Variants in EYA1 observed in about 807,000 individuals in gnomAD.
EYA1 encodes the protein EYA transcriptional coactivator and phosphatase 1.
In EYA1, 16 loss-of-function variants were observed where a neutral mutation model predicts 82.0. The ratio of observed to expected loss-of-function variants is 0.20; its 90% CI spans 0.13 to 0.30. The LOEUF (loss-of-function observed/expected upper bound fraction) is 0.30, where lower values mean the gene tolerates loss of function less well. Ranked by LOEUF, EYA1 falls within the 10% of genes least tolerant of loss-of-function variation. The probability of loss-of-function intolerance (pLI) is 1.00; values close to 1 mark genes in which losing one functional copy is unlikely to be tolerated. For missense variants in EYA1, 633 were observed against 730.7 expected (o/e 0.87, Z 1.54); for synonymous variants, 261 against 264.4 (o/e 0.99, Z 0.12).
chr8:71,210,295 A>G (rs915484180), intron 17 of EYA1, among the ~76,000 whole-genome samples: 4 of 152,242 alleles, frequency 2.6e-5, no homozygotes, highest in African/African-American at 7.2e-5. Context: ...AAATTTTGCA[A>G]ATGAATAAGA....
intron 9 of EYA1, among the ~76,000 whole-genome samples, chr8:71,272,274 T>A (rs9657097): frequency 6.6e-6 from 1 of 151,796 alleles, no homozygotes; most frequent in African/African-American, 2.4e-5. Flanking sequence ...GCCTCAGCTG[T>A]GGCTCTCTCA....
At chr8:71,391,980 G>C (rs1829304048) in intron 2 of EYA1, among the ~76,000 whole-genome samples, 2 of 152,214 alleles carry the variant, frequency 1.3e-5, no homozygotes, top group South Asian at 2.1e-4. Context: ...CTGAAAAATA[G>C]AGTTTCTCTC....
At chr8:71,265,010 C>T (rs1213650673) in intron 11 of EYA1, among the ~76,000 whole-genome samples, 2 of 152,144 alleles carry the variant, frequency 1.3e-5, no homozygotes, top group Non-Finnish European at 2.9e-5. Context: ...AAAGTCAGAG[C>T]TTGGATTTGA....
intron 9 of EYA1, among the ~76,000 whole-genome samples, chr8:71,282,933 AC>A: frequency 8.1e-6 from 1 of 123,826 alleles, no homozygotes; most frequent in African/African-American, 2.9e-5. Flanking sequence ...CTTCAACACC[AC>A]CTTGTTTTTT....
intron 9 of EYA1, among the ~76,000 whole-genome samples, chr8:71,283,126 C>T (rs1818004085): frequency 7.1e-6 from 1 of 141,176 alleles, no homozygotes; most frequent in African/African-American, 2.5e-5. Context: ...TGCCTTTACC[C>T]TCCCACTTTC....
At chr8:71,384,463 G>A (rs78156882) in intron 2 of EYA1, among the ~76,000 whole-genome samples, 4,445 of 152,144 alleles carry the variant, frequency 0.029, 202 homozygotes, top group African/African-American at 0.1. Flanking sequence ...GGCCCTCCCC[G>A]AGAAGCCCTT....
intron 2 of EYA1, among the ~76,000 whole-genome samples, chr8:71,390,179 A>G (rs1483757671): frequency 6.6e-6 from 1 of 152,008 alleles, no homozygotes; most frequent in African/African-American, 2.4e-5. Context: ...TTCTTTTAAT[A>G]TACTACTGGG....
At position 71,308,365 on chromosome 8, in the gene EYA1, A is replaced by G. The variant is rs73290088; in HGVS notation, c.557-8645T>C. Among the ~76,000 whole-genome samples, 94 of 152,312 alleles carry G rather than the reference A, an allele frequency of 6.2e-4. 1 individual carries two copies. Among genetic ancestry groups the G allele is most frequent in the African/African-American group, 2.2e-3 (90 of 41,564 alleles). On this transcript the variant is annotated intron_variant, in intron 7 of 17. Coordinates refer to ENST00000340726, the MANE Select transcript of EYA1 (RefSeq NM_000503.6). ...TAGTAAATTTAAAAGTAAATTACAT[A>G]AAGTGTCCCAGGGACAGTGCATCAC...
intron 2 of EYA1, among the ~76,000 whole-genome samples, chr8:71,417,488 A>G (rs555420840): frequency 1.3e-5 from 2 of 152,312 alleles, no homozygotes; most frequent in African/African-American, 4.8e-5. Flanking sequence ...TGAGCATTCC[A>G]TTATATCGAT....
chr8:71,505,316 C>A (rs556556891), intron 2 of EYA1, among the ~76,000 whole-genome samples: 4 of 152,156 alleles, frequency 2.6e-5, no homozygotes, highest in Non-Finnish European at 5.9e-5. Context: ...GTTTGAGAAG[C>A]GCTGGCTCAA....
intron 2 of EYA1, among the ~76,000 whole-genome samples, chr8:71,500,696 A>C (rs1039138554): frequency 7.2e-5 from 11 of 152,130 alleles, no homozygotes; most frequent in Non-Finnish European, 1.6e-4. Context: ...GTTCCAAATG[A>C]AAGGAAATTA....
intron 11 of EYA1, among the ~76,000 whole-genome samples, chr8:71,258,686 C>T (rs1257756439): frequency 1.3e-5 from 2 of 152,136 alleles, no homozygotes; most frequent in Non-Finnish European, 2.9e-5. Flanking sequence ...CTTTATGCTG[C>T]TCATTTTATT....
At chr8:71,517,589 A>C (rs1274002977) in intron 2 of EYA1, among the ~76,000 whole-genome samples, 1 of 151,668 alleles carries the variant, frequency 6.6e-6, no homozygotes, top group Admixed American at 6.6e-5. Context: ...TCATTATTAT[A>C]TATAAAGTGA....
chr8:71,355,586 T>C (rs72654183), intron 2 of EYA1, among the ~76,000 whole-genome samples: 5,976 of 152,288 alleles, frequency 0.039, 130 homozygotes, highest in African/African-American at 0.047. Context: ...TTACATACAG[T>C]GTGCCCAGTT....
intron 7 of EYA1, among the ~76,000 whole-genome samples, chr8:71,314,700 T>C (rs550428698): frequency 1.3e-5 from 2 of 152,314 alleles, no homozygotes; most frequent in African/African-American, 2.4e-5. Flanking sequence ...ACTCAACCTG[T>C]ATATCCAATA....
At chr8:71,422,324 T>C (rs79194690) in intron 2 of EYA1, among the ~76,000 whole-genome samples, 4,008 of 152,318 alleles carry the variant, frequency 0.026, 168 homozygotes, top group African/African-American at 0.088. Context: ...GGGGTTTTAC[T>C]CTCTAGAGCT....
intron 2 of EYA1, among the ~76,000 whole-genome samples, chr8:71,408,135 G>T (rs1419184719): frequency 6.6e-6 from 1 of 151,928 alleles, no homozygotes; most frequent in Non-Finnish European, 1.5e-5. Flanking sequence ...CTTCATAAGT[G>T]AAGGAGAAAT....
intron 2 of EYA1, among the ~76,000 whole-genome samples, chr8:71,439,825 A>G (rs1806281387): frequency 6.6e-6 from 1 of 152,180 alleles, no homozygotes; most frequent in Non-Finnish European, 1.5e-5. Flanking sequence ...CCTCTACTCA[A>G]CTAGCTGTGG....
chr8:71,520,635 AAG>A (rs763343187), intron 2 of EYA1, among the ~76,000 whole-genome samples: 4 of 152,270 alleles, frequency 2.6e-5, no homozygotes, highest in Non-Finnish European at 4.4e-5. Flanking sequence ...ACCTCTGAGA[AAG>A]AGATGAAGAA....
Sources: gnomAD v4.1 joint callset for allele counts (sites outside exome capture counted in the v4.1 genomes callset) on GRCh38, gnomAD v4.1.1 for gene constraint, MANE v1.5 for transcripts, NCBI Gene and HGNC (gene_info 2026-07-23, HGNC 2026-07-21) for gene names.